The following ZNF385D variants were observed in gnomAD, a reference collection of about 807,000 sequenced individuals.
ZNF385D encodes zinc finger protein 659.
ZNF385D carries 15 observed loss-of-function variants against 35.8 expected under a neutral mutation model. That is an observed-to-expected ratio of 0.42 (90% CI 0.28 to 0.64). ZNF385D has a LOEUF of 0.64. ZNF385D is among the 30% of genes least tolerant of loss of function. ZNF385D has a pLI of 0.23. For missense variants in ZNF385D, 474 were observed against 494.6 expected (o/e 0.96, Z 0.39); for synonymous variants, 212 against 186.8 (o/e 1.13, Z -1.10).
rs1201563903 is a variant in ZNF385D at position 21,721,382 on chromosome 3, TC to T, written c.22+29512del. On this transcript the variant is annotated intron_variant, in intron 1 of 7. Transcript: ENST00000281523. Reference sequence around the variant, plus strand: ...TTAGACAGGCTCTGTCTCTCGGTGGTCTAAAATAGCCTTCCCATGGTTATAA... The same window carrying T: ...TTAGACAGGCTCTGTCTCTCGGTGGTTAAAATAGCCTTCCCATGGTTATAA... Among the ~76,000 whole-genome samples, 11 of 150,158 alleles carry T rather than the reference TC, an allele frequency of 7.3e-5. No homozygotes were observed. The East Asian group carries it at 2.0e-3, about 27-fold the overall frequency.
At chr3:21,786,346 C>G (rs2071689590) in intron 3 of ZNF385D, among the ~76,000 whole-genome samples, 1 of 152,144 alleles carries the variant, frequency 6.6e-6, no homozygotes, top group South Asian at 2.1e-4. Flanking sequence ...AAGAAAAAGC[C>G]AAGAAAGGTT....
chr3:21,706,502 G>T (rs1261729647), intron 1 of ZNF385D, among the ~76,000 whole-genome samples: 3 of 152,190 alleles, frequency 2.0e-5, no homozygotes, highest in Non-Finnish European at 4.4e-5. Context: ...AGTGAAAATT[G>T]TAAGAGCTTT....
chr3:21,789,855 A>G (rs552502841), intron 3 of ZNF385D, among the ~76,000 whole-genome samples: 41 of 152,334 alleles, frequency 2.7e-4, no homozygotes, highest in Non-Finnish European at 4.7e-4. Context: ...ACCTTTGTGT[A>G]TGTGGCTTCT....
At chr3:21,820,573 T>C (rs888718600) in intron 3 of ZNF385D, among the ~76,000 whole-genome samples, 2 of 150,742 alleles carry the variant, frequency 1.3e-5, no homozygotes, top group Admixed American at 6.6e-5. Context: ...AATAGAAAAA[T>C]AGAATAAATC....
intron 3 of ZNF385D, among the ~76,000 whole-genome samples, chr3:21,545,136 G>A (rs1275195987): frequency 2.0e-5 from 3 of 152,170 alleles, no homozygotes; most frequent in Admixed American, 2.0e-4. Context: ...TTCTTTCCCT[G>A]TTGTGTTTCT....
chr3:21,539,535 TGTTA>T lies in ZNF385D; in HGVS notation c.276+25035_276+25038del, dbSNP rs1278101650. On this transcript the variant is annotated intron_variant, in intron 3 of 7. Coordinates refer to ENST00000281523, the MANE Select transcript of ZNF385D (RefSeq NM_024697.3). This position sits in a 1 kb window ranked among gnomAD's most constrained non-coding sequence, Gnocchi z 4.0. ...ATCCACATTATTCAGTAATTTCATA[TGTTA>T]GTTTGTTTTCTTTATGCTTTGTACT... Among the ~76,000 whole-genome samples the T allele has an allele frequency of 2.0e-5, 3 of 152,212 alleles. No homozygotes were observed.
chr3:22,352,875 T>C (rs1343353106), intron 2 of ZNF385D, among the ~76,000 whole-genome samples: 2 of 152,182 alleles, frequency 1.3e-5, no homozygotes, highest in Non-Finnish European at 2.9e-5. Context: ...TTTCAAGTTG[T>C]TAAGAGTCAC....
At chr3:21,966,255 A>C (rs902873148) in intron 3 of ZNF385D, among the ~76,000 whole-genome samples, 1 of 152,194 alleles carries the variant, frequency 6.6e-6, no homozygotes, top group Non-Finnish European at 1.5e-5. Context: ...ACATCCCCTA[A>C]CATCTAGCAC....
At chr3:22,317,033 T>A (rs1703925987) in intron 2 of ZNF385D, among the ~76,000 whole-genome samples, 3 of 151,772 alleles carry the variant, frequency 2.0e-5, no homozygotes, top group Admixed American at 2.0e-4. Context: ...ATCCGAACAC[T>A]TTGGGAGGCC....
intron 3 of ZNF385D, among the ~76,000 whole-genome samples, chr3:22,014,846 TA>T (rs1419031563): frequency 6.6e-6 from 1 of 152,150 alleles, no homozygotes; most frequent in Admixed American, 6.5e-5. Context: ...TAATTCTTTG[TA>T]AACTAATTTT....
intron 1 of ZNF385D, among the ~76,000 whole-genome samples, chr3:21,676,282 T>C (rs2066721089): frequency 6.6e-6 from 1 of 152,170 alleles, no homozygotes; most frequent in South Asian, 2.1e-4. Flanking sequence ...AAAGATACTC[T>C]GATTTCAATT....
At chr3:22,359,569 C>G (rs190565370) in intron 2 of ZNF385D, among the ~76,000 whole-genome samples, 4 of 151,866 alleles carry the variant, frequency 2.6e-5, no homozygotes, top group Admixed American at 2.0e-4. Context: ...ACGGAGCAAT[C>G]ATTGTAACTC....
intron 3 of ZNF385D, among the ~76,000 whole-genome samples, chr3:22,167,206 C>G (rs1353603585): frequency 6.6e-6 from 1 of 152,150 alleles, no homozygotes; most frequent in Non-Finnish European, 1.5e-5. Flanking sequence ...CTGATTGATC[C>G]CCACCCTTTA....
intron 4 of ZNF385D, among the ~76,000 whole-genome samples, chr3:21,458,114 A>C (rs972152017): frequency 2.0e-5 from 3 of 152,126 alleles, no homozygotes; most frequent in Non-Finnish European, 4.4e-5. Flanking sequence ...ACTGTAGAAG[A>C]ATTTAAACTC....
At chr3:21,690,910 A>G (rs986087722) in intron 1 of ZNF385D, among the ~76,000 whole-genome samples, 2 of 152,160 alleles carry the variant, frequency 1.3e-5, no homozygotes, top group Admixed American at 6.5e-5. Flanking sequence ...TACGTGATCA[A>G]TATCTAAAAC....
intron 1 of ZNF385D, among the ~76,000 whole-genome samples, chr3:21,667,215 G>GTTTCC (rs2066434038): frequency 6.6e-6 from 1 of 152,204 alleles, no homozygotes; most frequent in Admixed American, 6.5e-5. Flanking sequence ...AGGCTGGAGT[G>GTTTCC]CTGTGGTGCC....
chr3:21,827,528 A>G (rs1446927310), intron 3 of ZNF385D, among the ~76,000 whole-genome samples: 1 of 152,188 alleles, frequency 6.6e-6, no homozygotes, highest in East Asian at 1.9e-4. Flanking sequence ...ATACGTCAAG[A>G]TGCCACATGC....
intron 3 of ZNF385D, among the ~76,000 whole-genome samples, chr3:22,063,879 G>C (rs1009492449): frequency 1.3e-5 from 2 of 152,154 alleles, no homozygotes; most frequent in African/African-American, 4.8e-5. Flanking sequence ...GGCTGGCTGA[G>C]GCCTTTGTTT....
At chr3:22,069,956 G>C (rs1700149280) in intron 3 of ZNF385D, among the ~76,000 whole-genome samples, 2 of 152,194 alleles carry the variant, frequency 1.3e-5, no homozygotes, top group South Asian at 4.1e-4. Flanking sequence ...CCTTCAGAAA[G>C]AAAGCAAGCT....
Sources: allele counts gnomAD v4.1 joint callset (sites outside exome capture counted in the v4.1 genomes callset), GRCh38; gene constraint gnomAD v4.1.1; non-coding constraint Gnocchi (gnomAD v3.1); transcripts MANE v1.5; gene names NCBI Gene and HGNC (gene_info 2026-07-23, HGNC 2026-07-21).